BLM: variants seen among roughly 807,000 people sequenced by gnomAD.
The protein encoded by BLM is BLM RecQ like helicase, also known as recQ-like DNA helicase BLM.
A neutral mutation model predicts 135.3 loss-of-function variants in BLM; 95 were observed. That is an observed-to-expected ratio of 0.70 (90% CI 0.59 to 0.83). The LOEUF (loss-of-function observed/expected upper bound fraction) is 0.83. Among genes scored for constraint, BLM ranks in the 40% least tolerant of loss-of-function variants. The pLI is 0.00. For missense variants in BLM, 1,518 were observed against 1,663.9 expected (o/e 0.91, Z 1.53); for synonymous variants, 520 against 589.2 (o/e 0.88, Z 1.70).
At chr15:90,814,267 A>G (rs530743948) in intron 21 of BLM, among the ~76,000 whole-genome samples, 3 of 152,346 alleles carry the variant, frequency 2.0e-5, no homozygotes, top group South Asian at 4.1e-4. Flanking sequence ...TCAGCCGGTT[A>G]CAGAGCAGCA....
At position 90,772,817 on chromosome 15, in the gene BLM, G is replaced by T. The variant is rs115193434; in HGVS notation, c.2555+3231G>T. 8.5e-5 allele frequency among the ~76,000 whole-genome samples: 13 copies of T among 152,258 alleles called. 1 individual carries two copies. The East Asian group carries it at 2.5e-3, about 29-fold the overall frequency. ...AGGAGTAGTTTATTTAAAAGCATAGGTTGGGCATGGTGACTCACGCCTGTA... is the reference window on the plus strand; with the variant it reads ...AGGAGTAGTTTATTTAAAAGCATAGTTTGGGCATGGTGACTCACGCCTGTA... On this transcript the variant is annotated intron_variant, in intron 12 of 21. Transcript: ENST00000355112.
rs575024004 is a variant in BLM at position 90,751,559 on chromosome 15, C to G, written c.800-228C>G. Among the ~76,000 whole-genome samples the G allele has an allele frequency of 2.0e-5, 3 of 152,334 alleles. No homozygotes were observed. The South Asian group carries it at 6.2e-4, about 32-fold the overall frequency. On this transcript the variant is annotated intron_variant, in intron 3 of 21. Transcript: ENST00000355112. ...AGAGACAGACATGAAAATCCCTAAG[C>G]AAATCTTCGGCCTCAGTCGAGCATT...
At position 90,763,048 on chromosome 15, in the gene BLM, G is replaced by C. The variant is rs369777747; in HGVS notation, c.1965G>C (p.Met655Ile). 1.2e-6 allele frequency: 2 copies of C among 1,614,036 alleles called. No individual in the cohort carries two copies. The highest frequency in any genetic ancestry group is 2.7e-5 in the African/African-American group (2 of 75,010). Residue 655 changes from methionine (M) to isoleucine (I), a missense_variant, in exon 8 of 22, where the codon ATG becomes ATC. Coordinates refer to ENST00000355112, the MANE Select transcript of BLM (RefSeq NM_000057.4). ...QSLSFPHTKEMMKIFHKKFGL... is the reference protein window; with the variant it reads ...QSLSFPHTKEIMKIFHKKFGL... The stretch of plus-strand genomic sequence containing the variant: ...TTAGTTTTCCTCATACAAAGGAAAT[G>C]ATGAAGATTTTTCATAAAAAATTTG...
At chr15:90,771,007 TTA>T (rs1229437488) in intron 12 of BLM, among the ~76,000 whole-genome samples, 1 of 152,252 alleles carries the variant, frequency 6.6e-6, no homozygotes, top group Non-Finnish European at 1.5e-5. Context: ...AGTAGCACTG[TTA>T]TATAGCACAA....
intron 1 of BLM, among the ~76,000 whole-genome samples, chr15:90,737,952 A>G (rs746969928): frequency 2.4e-4 from 36 of 152,238 alleles, no homozygotes; most frequent in African/African-American, 8.2e-4. Context: ...ACAAATTACT[A>G]AAATCAGAAG....
intron 12 of BLM, among the ~76,000 whole-genome samples, chr15:90,773,822 A>G (rs543106614): frequency 6.6e-6 from 1 of 151,674 alleles, no homozygotes; most frequent in Admixed American, 6.6e-5. Context: ...ATTCCTTTCT[A>G]TTTTCAGATA....
chr15:90,796,745 A>T (rs1897036360), intron 16 of BLM, among the ~76,000 whole-genome samples: 1 of 152,182 alleles, frequency 6.6e-6, no homozygotes, highest in African/African-American at 2.4e-5. Context: ...GGACCTATGG[A>T]GATGGAGAAT....
chr15:90,756,166 C>T (rs1895813014), intron 5 of BLM, among the ~76,000 whole-genome samples: 1 of 151,596 alleles, frequency 6.6e-6, no homozygotes, highest in African/African-American at 2.4e-5. Context: ...TGCAGTGGCA[C>T]AACCTCAGCT....
chr15:90,808,955 C>T (rs1018593377), intron 19 of BLM, 182 bp from the exon 20 acceptor site: 5 of 760,934 alleles, frequency 6.6e-6, no homozygotes, highest in South Asian at 4.8e-5. Context: ...GGTTCCTGCC[C>T]TCTGTGCCTG....
At chr15:90,805,474 A>G (rs1897267055) in intron 19 of BLM, among the ~76,000 whole-genome samples, 1 of 151,704 alleles carries the variant, frequency 6.6e-6, no homozygotes, top group Non-Finnish European at 1.5e-5. Flanking sequence ...ACAAATAATG[A>G]AGTGATGTCT....
At chr15:90,762,893 C>T in intron 7 of BLM, 73 bp from the exon 8 acceptor site, 2 of 1,376,332 alleles carry the variant, frequency 1.5e-6, no homozygotes, top group South Asian at 2.5e-5. Flanking sequence ...TTCTGCAGGG[C>T]AAGGGAAATG....
At chr15:90,769,367 T>C in intron 11 of BLM, 71 bp from the exon 12 acceptor site, 1 of 1,585,774 alleles carries the variant, frequency 6.3e-7, no homozygotes, top group Non-Finnish European at 8.7e-7. Flanking sequence ...CTTAATACAT[T>C]GAGCAGTGTT....
At chr15:90,769,668 C>A (rs1281687910) in intron 12 of BLM, 82 bp downstream of exon 12, 2 of 1,480,146 alleles carry the variant, frequency 1.4e-6, no homozygotes, top group African/African-American at 1.4e-5. Flanking sequence ...ACCTGTGGCG[C>A]TTTAACGCCA....
chr15:90,760,226 T>A lies in BLM; in HGVS notation c.1167T>A (p.Asp389Glu). The part of the protein sequence containing the change: ...ICKLIDTIPD[D>E]KLKLLDCGNE... ...AATTAATTGATACTATTCCTGATGA[T>A]AAACTGAAACTTTTGGATTGTGGGA... The change falls in exon 6 of 22, where the codon GAT becomes GAA. Residue 389 changes from aspartate (D) to glutamate (E), a missense_variant. Transcript: ENST00000355112. 1 of 1,614,090 alleles carries A rather than the reference T, an allele frequency of 6.2e-7. No individual in the cohort carries two copies. The highest frequency in any genetic ancestry group is 2.2e-5 in the East Asian group (1 of 44,874).
At chr15:90,727,636 T>G (rs1380955201) in intron 1 of BLM, among the ~76,000 whole-genome samples, 3 of 152,136 alleles carry the variant, frequency 2.0e-5, no homozygotes, top group Non-Finnish European at 4.4e-5. Flanking sequence ...CAGCTTCTTT[T>G]GGGCAGAAAC....
At position 90,728,682 on chromosome 15, in the gene BLM, A is replaced by G. The variant is rs1431726569; in HGVS notation, c.-5+11242A>G. On this transcript the variant is annotated intron_variant, in intron 1 of 21. Transcript: ENST00000355112. ...TGGCCTCCCAAAGTGCTGAGATTAC[A>G]GGCATGAGCCACTGCACCCGGCCGG... Among the ~76,000 whole-genome samples the G allele has an allele frequency of 3.3e-5, 5 of 152,146 alleles. 1 individual carries two copies. In the East Asian group the frequency reaches 7.7e-4, roughly 24 times the overall value.
At chr15:90,771,308 G>A (rs1473094141) in intron 12 of BLM, among the ~76,000 whole-genome samples, 2 of 152,098 alleles carry the variant, frequency 1.3e-5, no homozygotes, top group African/African-American at 2.4e-5. Flanking sequence ...CCAACGTGGC[G>A]ATACCCCATC....
chr15:90,790,608 C>T, intron 14 of BLM, 41 bp from the exon 15 acceptor site: 1 of 1,574,414 alleles, frequency 6.4e-7, no homozygotes, highest in Non-Finnish European at 8.7e-7. Flanking sequence ...TCCTTCAAGT[C>T]TGTGCCTTAT....
chr15:90,720,927 C>T (rs1236752109), intron 1 of BLM, among the ~76,000 whole-genome samples: 2 of 152,104 alleles, frequency 1.3e-5, no homozygotes, highest in African/African-American at 4.8e-5. Context: ...GGCGCGGTAG[C>T]ACATGCCTAT....
Sources: gnomAD v4.1 joint callset for allele counts (sites outside exome capture counted in the v4.1 genomes callset) on GRCh38, gnomAD v4.1.1 for gene constraint, MANE v1.5 for transcripts, NCBI Gene and HGNC (gene_info 2026-07-23, HGNC 2026-07-21) for gene names.